The following FRY variants were observed in gnomAD, a reference collection of about 807,000 sequenced individuals.
The protein encoded by FRY is protein furry homolog.
FRY carries 128 observed loss-of-function variants against 348.4 expected under a neutral mutation model. That is an observed-to-expected ratio of 0.37 (90% CI 0.32 to 0.43). FRY has a LOEUF of 0.43. Among genes scored for constraint, FRY ranks in the 20% least tolerant of loss-of-function variants. The pLI, the probability that FRY is intolerant of heterozygous loss-of-function variation, is 1.00. For missense variants in FRY, 2,736 were observed against 3,695.2 expected, an observed-to-expected ratio of 0.74 and a Z score of 6.73; for synonymous variants, 1,370 against 1,374.7, an observed-to-expected ratio of 1.00 and a Z score of 0.08.
chr13:32,097,927 C>T (rs1876856883), intron 2 of FRY, among the ~76,000 whole-genome samples: 1 of 151,778 alleles, frequency 6.6e-6, no homozygotes, highest in South Asian at 2.1e-4. Context: ...GTATATTTTA[C>T]CACAATAAAG....
rs112134879 is a variant in FRY at position 32,055,138 on chromosome 13, G to T, written c.70+23273G>T. Among the ~76,000 whole-genome samples the T allele has an allele frequency of 3.9e-3, 587 of 152,204 alleles. 3 individuals carry two copies. Among genetic ancestry groups the T allele is most frequent in the African/African-American group, 0.014 (565 of 41,542 alleles). On this transcript the variant is annotated intron_variant, in intron 1 of 60. Coordinates refer to ENST00000542859, the MANE Select transcript of FRY (RefSeq NM_023037.3). ...CATAGATCACTGAAGCCTCCTTCCT[G>T]GGTTTAAGCCATCCTCCCACCTCAG...
chr13:32,249,833 C>A, intron 49 of FRY, 146 bp downstream of exon 49: 1 of 723,386 alleles, frequency 1.4e-6, no homozygotes. Context: ...TTGTGGCATT[C>A]CAAGGAACCC....
At chr13:32,159,612 G>A (rs1881328183) in intron 16 of FRY, among the ~76,000 whole-genome samples, 1 of 152,192 alleles carries the variant, frequency 6.6e-6, no homozygotes, top group Non-Finnish European at 1.5e-5. Context: ...AGTAGTAAGA[G>A]GAAATCATGC....
In FRY at chr13:32,202,508, C is replaced by T. The variant is rs1434002724; in HGVS notation, c.3999C>T (p.Leu1333=). 6.2e-7 allele frequency: 1 copy of T among 1,613,540 alleles called. No individual in the cohort carries two copies. Among genetic ancestry groups the T allele is most frequent in the Non-Finnish European group, 8.5e-7 (1 of 1,179,612 alleles). Residue 1333 remains leucine, a synonymous_variant, in exon 31 of 61, where the codon CTC becomes CTT. Transcript: ENST00000542859. ...SCELARMYPE[L]TLPLFSEVSQ... ...AGCTGGCCAGGATGTACCCTGAGCT[C>T]ACACTCCCCCTCTTCTCAGGTACCA... is the stretch of plus-strand genomic sequence containing the variant.
At chr13:32,218,677 CAAAAA>C (rs10717683) in intron 35 of FRY, 67 bp from the exon 36 acceptor site, 1,004 of 573,322 alleles carry the variant, frequency 1.8e-3, no homozygotes, top group East Asian at 3.1e-3. Flanking sequence ...GACTCCAACT[CAAAAA>C]AAAAAAAAAA....
At chr13:32,084,598 C>T (rs1875733240) in intron 2 of FRY, among the ~76,000 whole-genome samples, 1 of 152,200 alleles carries the variant, frequency 6.6e-6, no homozygotes, top group South Asian at 2.1e-4. Flanking sequence ...CAATTCTTTA[C>T]TTTATCTAAG....
At chr13:32,105,195 T>C (rs1216213550) in intron 3 of FRY, among the ~76,000 whole-genome samples, 1 of 152,186 alleles carries the variant, frequency 6.6e-6, no homozygotes, top group Non-Finnish European at 1.5e-5. Context: ...AGTGGTAATT[T>C]TCCCATGAGG....
At chr13:32,203,587 G>A (rs184936726) in intron 31 of FRY, among the ~76,000 whole-genome samples, 12 of 152,090 alleles carry the variant, frequency 7.9e-5, no homozygotes, top group Non-Finnish European at 1.5e-4. Context: ...GCTGGGCATG[G>A]TGGCCCACGC....
At chr13:32,229,367 G>A (rs1885784753) in intron 40 of FRY, among the ~76,000 whole-genome samples, 1 of 152,188 alleles carries the variant, frequency 6.6e-6, no homozygotes, top group African/African-American at 2.4e-5. Context: ...TCTACTCTGT[G>A]TATGTGTTAT....
intron 2 of FRY, among the ~76,000 whole-genome samples, chr13:32,088,169 A>G (rs1447285819): frequency 1.3e-5 from 2 of 152,192 alleles, no homozygotes; most frequent in African/African-American, 2.4e-5. Context: ...TGTTGGTCAA[A>G]CTCCTCTTTA....
chr13:32,216,535 A>C (rs889530824), intron 35 of FRY, among the ~76,000 whole-genome samples: 1 of 152,232 alleles, frequency 6.6e-6, no homozygotes, highest in Non-Finnish European at 1.5e-5. Context: ...AAAACCCGAC[A>C]TAGAGCACAG....
chr13:32,253,487 G>A (rs923856203), intron 50 of FRY, among the ~76,000 whole-genome samples: 1 of 152,116 alleles, frequency 6.6e-6, no homozygotes, highest in African/African-American at 2.4e-5. Flanking sequence ...GTTCAGTAGA[G>A]GCTGGATAGC....
intron 30 of FRY, 90 bp downstream of exon 30, chr13:32,202,130 A>C: frequency 2.3e-6 from 2 of 878,228 alleles, no homozygotes; most frequent in South Asian, 2.6e-5. Flanking sequence ...GTTTATTGAT[A>C]GGCCTTTGTT....
At chr13:32,238,642 G>C (rs1267275921) in intron 44 of FRY, among the ~76,000 whole-genome samples, 2 of 152,062 alleles carry the variant, frequency 1.3e-5, no homozygotes, top group African/African-American at 2.4e-5. Context: ...AGTAGAGACG[G>C]GGTTTCACCA....
rs143908951 is a variant in FRY at position 32,128,019 on chromosome 13, T to G, written c.716+3144T>G. Reference sequence around the variant, plus strand: ...CTCTCTAAACTCATACATTTAAAAATTAAAACCATAGTTATTTTGGTATCT... The same window carrying G: ...CTCTCTAAACTCATACATTTAAAAAGTAAAACCATAGTTATTTTGGTATCT... On this transcript the variant is annotated intron_variant, in intron 7 of 60. Transcript: ENST00000542859. 1.0e-3 allele frequency among the ~76,000 whole-genome samples: 159 copies of G among 152,314 alleles called. No individual in the cohort carries two copies. In the East Asian group the frequency reaches 0.025, roughly 24 times the overall value.
chr13:32,145,699 C>T (rs1043770622), intron 11 of FRY, among the ~76,000 whole-genome samples: 14 of 151,220 alleles, frequency 9.3e-5, no homozygotes, highest in South Asian at 2.1e-4. Flanking sequence ...CGCCCGCCAC[C>T]GCGCCCGGCT....
intron 58 of FRY, among the ~76,000 whole-genome samples, chr13:32,282,076 G>T (rs1345474970): frequency 1.3e-5 from 2 of 152,212 alleles, no homozygotes; most frequent in Non-Finnish European, 2.9e-5. Flanking sequence ...GAGGAGGAAT[G>T]ATGGTGTCAT....
chr13:32,243,720 C>T (rs981900486), intron 46 of FRY, among the ~76,000 whole-genome samples: 1 of 152,150 alleles, frequency 6.6e-6, no homozygotes, highest in Non-Finnish European at 1.5e-5. Flanking sequence ...TACATATTTA[C>T]ACCTCCACAC....
chr13:32,162,277 C>G (rs1310744940), intron 17 of FRY, among the ~76,000 whole-genome samples: 1 of 152,134 alleles, frequency 6.6e-6, no homozygotes, highest in Non-Finnish European at 1.5e-5. Flanking sequence ...AATAGTCATG[C>G]TGACTGAATG....
Sources: allele counts gnomAD v4.1 joint callset (sites outside exome capture counted in the v4.1 genomes callset), GRCh38; gene constraint gnomAD v4.1.1; transcripts MANE v1.5; gene names NCBI Gene and HGNC (gene_info 2026-07-23, HGNC 2026-07-21).